Variants in RHBDD1 observed in about 807,000 individuals in gnomAD.
RHBDD1 encodes rhomboid-related protein 4.
In RHBDD1, 38 loss-of-function variants were observed where a neutral mutation model predicts 36.3. That is an observed-to-expected ratio of 1.05 (90% CI 0.81 to 1.37). The LOEUF is 1.37. Ranked by LOEUF, RHBDD1 falls within the 40% of genes most tolerant of loss-of-function variation. The pLI, the probability that RHBDD1 is intolerant of heterozygous loss-of-function variation, is 0.00. For missense variants in RHBDD1, 393 were observed against 377.6 expected (o/e 1.04, Z -0.34); for synonymous variants, 151 against 136.5 (o/e 1.11, Z -0.74).
intron 6 of RHBDD1, chr2:226,908,582 TACAC>T (rs10559846): frequency 0.033 from 11,344 of 342,268 alleles, 83 homozygotes; most frequent in African/African-American, 0.065. Flanking sequence ...CATTTTCCAC[TACAC>T]ACACACACAC....
intron 3 of RHBDD1, among the ~76,000 whole-genome samples, chr2:226,854,920 G>T (rs1410558677): frequency 1.3e-5 from 2 of 151,912 alleles, no homozygotes; most frequent in Non-Finnish European, 2.9e-5. Flanking sequence ...GGTGATAAAG[G>T]CCTGATTTCT....
At chr2:226,919,754 T>C (rs1288760487) in intron 8 of RHBDD1, among the ~76,000 whole-genome samples, 1 of 152,096 alleles carries the variant, frequency 6.6e-6, no homozygotes, top group Non-Finnish European at 1.5e-5. Flanking sequence ...AGTGGGGTTA[T>C]GTGATCCTTC....
chr2:226,959,850 T>G (rs549925845), intron 8 of RHBDD1, among the ~76,000 whole-genome samples: 1 of 152,230 alleles, frequency 6.6e-6, no homozygotes, highest in South Asian at 2.1e-4. Flanking sequence ...TGATATGGAG[T>G]CTCGCTGTGT....
intron 5 of RHBDD1, among the ~76,000 whole-genome samples, chr2:226,876,630 A>G (rs1945262197): frequency 6.6e-6 from 1 of 152,184 alleles, no homozygotes; most frequent in African/African-American, 2.4e-5. Flanking sequence ...TCAGGCCCCT[A>G]AATTCATACT....
At chr2:226,987,956 A>G (rs1957370401) in intron 8 of RHBDD1, among the ~76,000 whole-genome samples, 1 of 152,130 alleles carries the variant, frequency 6.6e-6, no homozygotes, top group Admixed American at 6.5e-5. Context: ...AAACTGGGCA[A>G]TGGTTGCTGT....
intron 5 of RHBDD1, among the ~76,000 whole-genome samples, chr2:226,904,652 C>T (rs1342362894): frequency 2.6e-5 from 4 of 152,180 alleles, no homozygotes; most frequent in Non-Finnish European, 4.4e-5. Context: ...TACAAGGCTC[C>T]TGTTTGTCTC....
intron 8 of RHBDD1, 191 bp downstream of exon 8, chr2:226,914,542 G>GGT (rs774849484): frequency 1.1e-5 from 6 of 531,162 alleles, no homozygotes; most frequent in Non-Finnish European, 1.6e-5. Context: ...AAGCTAATAA[G>GGT]GTGCCAGACT....
rs1943139143 is a variant in RHBDD1 at position 226,854,600 on chromosome 2, C to CA, written c.-90-10004_-90-10003insA. ...TGGGTGACAGAGCCAGACTCTGTTT[C>CA]GAAAAAAAAAAAAAAAAAAGGCGCT... On this transcript the variant is annotated intron_variant, in intron 3 of 8. Transcript: ENST00000392062. Among the ~76,000 whole-genome samples, 49 of 71,678 alleles carry CA rather than the reference C, an allele frequency of 6.8e-4. 1 individual carries two copies. Among genetic ancestry groups the CA allele is most frequent in the Admixed American group, 3.8e-3 (22 of 5,816 alleles). 47.0% of individuals were successfully genotyped at this position (71,678 alleles called of 152,430 possible).
intron 5 of RHBDD1, among the ~76,000 whole-genome samples, chr2:226,869,933 C>T (rs981530569): frequency 1.6e-4 from 25 of 152,318 alleles, no homozygotes; most frequent in African/African-American, 5.3e-4. Flanking sequence ...CCACCTCCTA[C>T]CCCCACCAAG....
At chr2:226,901,867 AT>A (rs957969582) in intron 5 of RHBDD1, among the ~76,000 whole-genome samples, 1 of 152,284 alleles carries the variant, frequency 6.6e-6, no homozygotes, top group South Asian at 2.1e-4. Flanking sequence ...GTAACTTGTG[AT>A]TTTTTTAATA....
At chr2:226,914,083 T>A (rs1327679342) in intron 7 of RHBDD1, 125 bp from the exon 8 acceptor site, 1 of 847,926 alleles carries the variant, frequency 1.2e-6, no homozygotes, top group Non-Finnish European at 1.8e-6. Context: ...TTTTCTTATT[T>A]TGAGGATAAT....
the RHBDD1 span, among the ~76,000 whole-genome samples, chr2:226,807,152 T>A: frequency 6.6e-6 from 1 of 152,240 alleles, no homozygotes; most frequent in Non-Finnish European, 1.5e-5. Context: ...TTTTAAAAAA[T>A]AGACATTTAT....
chr2:226,865,273 T>C (rs1944231255), intron 4 of RHBDD1, 147 bp downstream of exon 4: 8 of 671,082 alleles, frequency 1.2e-5, no homozygotes, highest in South Asian at 1.1e-4. Flanking sequence ...GGCTGGAGCA[T>C]GCAGGGACTA....
At position 226,901,346 on chromosome 2, in the gene RHBDD1, G is replaced by A. The variant is rs543697612; in HGVS notation, c.567-5447G>A. ...GTGAATAATGATGTAATGAATATGG[G>A]AGTGCAGATATCTCTTTGAAATACT... On this transcript the variant is annotated intron_variant, in intron 5 of 8. Transcript: ENST00000392062. 2.0e-5 allele frequency among the ~76,000 whole-genome samples: 3 copies of A among 152,254 alleles called. No homozygotes were observed. In the South Asian group the frequency reaches 6.2e-4, roughly 32 times the overall value.
At chr2:226,971,348 A>G (rs1300239980) in intron 8 of RHBDD1, among the ~76,000 whole-genome samples, 1 of 152,222 alleles carries the variant, frequency 6.6e-6, no homozygotes, top group African/African-American at 2.4e-5. Flanking sequence ...TCTGGTGTCG[A>G]AGGACGTCTG....
intron 5 of RHBDD1, among the ~76,000 whole-genome samples, chr2:226,903,114 T>C (rs1363941349): frequency 6.6e-6 from 1 of 152,184 alleles, no homozygotes; most frequent in South Asian, 2.1e-4. Flanking sequence ...TTTGTATCTC[T>C]CAAACTGCCA....
intron 8 of RHBDD1, among the ~76,000 whole-genome samples, chr2:226,925,874 T>G (rs929389510): frequency 4.6e-5 from 7 of 152,160 alleles, no homozygotes; most frequent in Non-Finnish European, 1.0e-4. Context: ...ATTGTGGATA[T>G]TCAAGGAGGT....
At chr2:226,866,580 C>T (rs1944365680) in intron 4 of RHBDD1, among the ~76,000 whole-genome samples, 1 of 152,154 alleles carries the variant, frequency 6.6e-6, no homozygotes, top group Admixed American at 6.5e-5. Context: ...CTTTCTTCCT[C>T]ACTAGTTCCT....
intron 8 of RHBDD1, among the ~76,000 whole-genome samples, chr2:226,965,881 CA>C (rs1389820022): frequency 1.3e-5 from 2 of 150,258 alleles, no homozygotes; most frequent in South Asian, 2.1e-4. Context: ...AGGAGAACCG[CA>C]ATTGCTTGAA....
Sources: allele counts gnomAD v4.1 joint callset (sites outside exome capture counted in the v4.1 genomes callset), GRCh38; gene constraint gnomAD v4.1.1; transcripts MANE v1.5; gene names NCBI Gene and HGNC (gene_info 2026-07-23, HGNC 2026-07-21).